PKD1: variants seen among roughly 807,000 people sequenced by gnomAD.
The protein encoded by PKD1 is polycystin-1.
Under a neutral mutation model 361.7 loss-of-function variants are expected in PKD1, and 81 were observed. The ratio of observed to expected loss-of-function variants is 0.22; its 90% CI spans 0.19 to 0.27. PKD1 has a LOEUF of 0.27. PKD1 is among the 10% of genes least tolerant of loss of function. PKD1 has a pLI of 1.00. For synonymous variants in PKD1, 3,615 were observed against 2,818.3 expected, an observed-to-expected ratio of 1.28 and a Z score of -8.95; for missense variants, 6,399 against 6,118.3, an observed-to-expected ratio of 1.05 and a Z score of -1.53.
Position 2,109,090 on chromosome 16 carries a change from A to C in PKD1, c.6077T>G (p.Val2026Gly). The C allele has an allele frequency of 1.2e-6, 2 of 1,603,620 alleles. No homozygotes were observed. Among genetic ancestry groups the C allele is most frequent in the Non-Finnish European group, 1.7e-6 (2 of 1,173,886 alleles). Residue 2026 changes from valine to glycine, a missense_variant, in exon 15 of 46, where the codon GTC (valine) becomes GGC (glycine). Coordinates refer to ENST00000262304, the MANE Select transcript of PKD1 (RefSeq NM_001009944.3). ...DSLVILSGRD[V>G]TYTPVAAGLL... ...CCCCGCGGCCACGGGCGTGTAGGTG[A>C]CGTCGCGGCCCGACAGGATGACCAG... is the stretch of plus-strand genomic sequence containing the variant.
chr16:2,094,362 G>A (rs1596490993), intron 34 of PKD1, 152 bp from the exon 35 acceptor site: 1 of 671,984 alleles, frequency 1.5e-6, no homozygotes. Context: ...AAACGAGAGT[G>A]GGAGTGGTGC....
chr16:2,089,869 C>G lies in PKD1; in HGVS notation c.12770G>C (p.Gly4257Ala), dbSNP rs749286947. 6 of 1,609,464 alleles carry G rather than the reference C, an allele frequency of 3.7e-6. No homozygotes were observed. The highest frequency in any genetic ancestry group is 5.1e-6 in the Non-Finnish European group (6 of 1,178,754). ...GCCCGGGGATGGGCCACGGGAAGAT[C>G]CGGCGGGCGCCCGGCTGCTCCTGCG... is the stretch of plus-strand genomic sequence containing the variant. ...QGRRSSRAPA[G>A]SSRGPSPGLR... The change falls in exon 46 of 46, where the codon GGA becomes GCA. Residue 4257 changes from glycine (G) to alanine (A), a missense_variant. Gly to Ala is a moderately conservative substitution (Grantham distance 60). Coordinates refer to ENST00000262304, the MANE Select transcript of PKD1 (RefSeq NM_001009944.3).
At position 2,108,524 on chromosome 16, in the gene PKD1, G is replaced by C. The variant is rs752793757; in HGVS notation, c.6643C>G (p.Arg2215Gly). Residue 2215 changes from arginine to glycine, a missense_variant, in exon 15 of 46, where the codon CGG becomes GGG. Coordinates refer to ENST00000262304, the MANE Select transcript of PKD1 (RefSeq NM_001009944.3). ...ALPGVDVSRP[R>G]LVLPRLALPV... The stretch of plus-strand genomic sequence containing the variant: ...AGCGCCAGCCGCGGCAGCACCAGCC[G>C]AGGCCGGCTCACGTCCACGCCGGGC... The C allele has an allele frequency of 1.2e-6, 2 of 1,609,094 alleles. No homozygotes were observed. The highest frequency in any genetic ancestry group is 1.7e-6 in the Non-Finnish European group (2 of 1,179,076).
At chr16:2,108,191 C>A in intron 15 of PKD1, 61 bp downstream of exon 15, 3 of 1,527,280 alleles carry the variant, frequency 2.0e-6, no homozygotes, top group Admixed American at 1.7e-5. Flanking sequence ...GCTGGGTGTT[C>A]TCTGGGCTCA....
rs751969265 is a variant in PKD1 at position 2,108,902 on chromosome 16, G to A, written c.6265C>T (p.Arg2089Cys). Residue 2089 changes from arginine to cysteine, a missense_variant, in exon 15 of 46, where the codon CGT (arginine) becomes TGT (cysteine). By Grantham distance (180) the Arg-to-Cys change is radical. Coordinates refer to ENST00000262304, the MANE Select transcript of PKD1 (RefSeq NM_001009944.3). ...CCAAAGTCCCAGTGGTAGGCCACACGCCGGGGGCTGGGGCTGGTGGCGGCC... is the reference window on the plus strand; with the variant it reads ...CCAAAGTCCCAGTGGTAGGCCACACACCGGGGGCTGGGGCTGGTGGCGGCC... Reference protein sequence around the residue: ...FEAATSPSPRRVAYHWDFGDG... With the variant: ...FEAATSPSPRCVAYHWDFGDG... The A allele has an allele frequency of 4.0e-5, 64 of 1,582,914 alleles. No homozygotes were observed. The South Asian group carries it at 4.6e-4, about 11-fold the overall frequency.
At chr16:2,094,481 G>A (rs942371206) in intron 34 of PKD1, among the ~76,000 whole-genome samples, 4 of 152,302 alleles carry the variant, frequency 2.6e-5, no homozygotes, top group Non-Finnish European at 4.4e-5. Flanking sequence ...AGCCTGACCA[G>A]CTGCCCTTAC....
rs375184337 is a variant in PKD1, at chr16:2,110,598, G to A, written c.4569C>T (p.Phe1523=). 7 of 1,610,698 alleles carry A rather than the reference G, an allele frequency of 4.3e-6. No homozygotes were observed. The highest frequency in any genetic ancestry group is 5.9e-6 in the Non-Finnish European group (7 of 1,179,728). ...VTHAYNSTGD[F]TVRVAGWNEV... ...CATTCCAGCCGGCCACCCTAACGGTGAAGTCACCTGTGCTGTTGTAAGCGT... is the reference window on the plus strand; with the variant it reads ...CATTCCAGCCGGCCACCCTAACGGTAAAGTCACCTGTGCTGTTGTAAGCGT... The change falls in exon 15 of 46, where the codon TTC becomes TTT. Residue 1523 remains phenylalanine (F), a synonymous_variant. Coordinates refer to ENST00000262304, the MANE Select transcript of PKD1 (RefSeq NM_001009944.3).
intron 1 of PKD1, among the ~76,000 whole-genome samples, chr16:2,134,592 C>T (rs528944560): frequency 9.8e-4 from 148 of 151,636 alleles, no homozygotes; most frequent in African/African-American, 3.2e-3. Flanking sequence ...TAGTTCCAAA[C>T]CCCTGCTATG....
chr16:2,114,791 G>A lies in PKD1; in HGVS notation c.2232C>T (p.Ser744=), dbSNP rs553802995. 7.4e-5 allele frequency: 84 copies of A among 1,130,778 alleles called. No homozygotes were observed. The East Asian group carries it at 9.8e-4, about 13-fold the overall frequency. The allele number at this position is 1,130,778 out of a possible 1,614,324, so 70.0% of individuals were successfully genotyped here. A position where few individuals can be genotyped will look rare whatever the true frequency, so the allele number is the denominator to read the frequency against. The change falls in exon 11 of 46, where the codon TCC becomes TCT. Residue 744 remains serine, a synonymous_variant. Coordinates refer to ENST00000262304, the MANE Select transcript of PKD1 (RefSeq NM_001009944.3). The part of the protein sequence containing the change: ...GHPGPRAPYL[S]ANASSWLPHL... The stretch of plus-strand genomic sequence containing the variant: ...GGGGCAGCCATGACGAGGCGTTGGC[G>A]GAGAGGTACGGGGCCCGGGGACCAG...
rs548459342 is a variant in PKD1 at position 2,105,276 on chromosome 16, C to T, written c.8016+46G>A. The T allele has an allele frequency of 1.5e-4, 243 of 1,586,838 alleles. No individual in the cohort carries two copies. In the African/African-American group the frequency reaches 2.2e-3, roughly 14 times the overall value. Reference sequence around the variant, plus strand: ...CTGCCCTGGGGGGCTGAACCCAGTGCCCTGGCAGGCATGCGGGGCAGGGTG... The same window carrying T: ...CTGCCCTGGGGGGCTGAACCCAGTGTCCTGGCAGGCATGCGGGGCAGGGTG... On this transcript the variant is annotated intron_variant, in intron 21 of 45. Transcript: ENST00000262304.
Position 2,114,729 on chromosome 16 carries a change from G to A in PKD1, c.2294C>T (p.Pro765Leu), listed in dbSNP as rs1296480104. 29 of 1,529,982 alleles carry A rather than the reference G, an allele frequency of 1.9e-5. No homozygotes were observed. The highest frequency in any genetic ancestry group is 2.5e-5 in the Non-Finnish European group (29 of 1,143,494). 94.8% of individuals were successfully genotyped at this position (1,529,982 alleles called of 1,614,324 possible). The stretch of plus-strand genomic sequence containing the variant: ...TGCAAGCAGCCGCAGGGCACAGGCA[G>A]GGCAGGCCCAAGTGCCCTCCAGCTG... ...PAQLEGTWAC[P>L]ACALRLLAAT... Residue 765 changes from proline to leucine, a missense_variant, in exon 11 of 46, where the codon CCT (proline) becomes CTT (leucine). Pro to Leu is a moderately conservative substitution (Grantham distance 98, BLOSUM62 -3). Transcript: ENST00000262304.
At chr16:2,093,761 G>A (rs774369120) in intron 36 of PKD1, 23 bp from the exon 37 acceptor site, 7 of 1,566,330 alleles carry the variant, frequency 4.5e-6, no homozygotes, top group Admixed American at 1.8e-5. Flanking sequence ...TGGCTTCAGA[G>A]GGGTCCCCCG....
rs1276211563 is a variant in PKD1 at position 2,105,950 on chromosome 16, GCGGTGAGCCCGTGCAGCCAGA to G, written c.7757_7777del (p.Val2586_Thr2592del). The G allele has an allele frequency of 6.3e-7, 1 of 1,599,030 alleles. No individual in the cohort carries two copies. The highest frequency in any genetic ancestry group is 1.3e-5 in the African/African-American group (1 of 74,844). On this transcript the variant is annotated inframe_deletion, in exon 20 of 46. Transcript: ENST00000262304. ...CCGCAGCAGCCCTGGGAGCACACTA[GCGGTGAGCCCGTGCAGCCAGA>G]CTGTGAGCCCCGTTGCGCTGCCGTT...
chr16:2,110,687 G>A lies in PKD1; in HGVS notation c.4480C>T (p.Arg1494Cys), dbSNP rs369254259. The change falls in exon 15 of 46, where the codon CGC (arginine) becomes TGC (cysteine). Residue 1494 changes from arginine to cysteine, a missense_variant. Arg to Cys is a radical substitution (Grantham distance 180). Coordinates refer to ENST00000262304, the MANE Select transcript of PKD1 (RefSeq NM_001009944.3). ...AGATCCCACAGGTAGCTGGCGGGGC[G>A]CCCACGGCCCACAGCAGAGAACAGG... ...PYLFSAVGRG[R>C]PASYLWDLGD... 2.5e-5 allele frequency: 41 copies of A among 1,610,242 alleles called. No homozygotes were observed. Among genetic ancestry groups the A allele is most frequent in the Admixed American group, 3.3e-5 (2 of 60,006 alleles).
chr16:2,097,663 C>G (rs2091901726), intron 32 of PKD1, 65 bp downstream of exon 32: 1 of 1,610,640 alleles, frequency 6.2e-7, no homozygotes. Flanking sequence ...ACGCAGCCCG[C>G]ACACCCCCGG....
At chr16:2,092,797 G>T in intron 38 of PKD1, 157 bp downstream of exon 38, 2 of 942,154 alleles carry the variant, frequency 2.1e-6, no homozygotes, top group Non-Finnish European at 3.4e-6. Context: ...ACACGGACCT[G>T]TGTCCCTCCC....
intron 8 of PKD1, 148 bp downstream of exon 8, chr16:2,116,381 T>C (rs553144117): frequency 2.8e-5 from 18 of 632,874 alleles, no homozygotes; most frequent in African/African-American, 9.1e-5. Flanking sequence ...CTTTCCTCTC[T>C]GCACTCTGGA....
chr16:2,121,704 G>T (rs1470328355), intron 1 of PKD1, among the ~76,000 whole-genome samples: 1 of 151,494 alleles, frequency 6.6e-6, no homozygotes, highest in African/African-American at 2.4e-5. Context: ...CCCACCCTGG[G>T]CACCCCTCCT....
At chr16:2,133,064 A>C (rs1490968164) in intron 1 of PKD1, 9 of 147,230 alleles carry the variant, frequency 6.1e-5, no homozygotes, top group Admixed American at 6.1e-4. Flanking sequence ...CCTTGGCAAC[A>C]AGAGTGAACT....
Sources: allele counts gnomAD v4.1 joint callset (sites outside exome capture counted in the v4.1 genomes callset), GRCh38; gene constraint gnomAD v4.1.1; transcripts MANE v1.5; gene names NCBI Gene and HGNC (gene_info 2026-07-23, HGNC 2026-07-21).